TTC28: variants seen among roughly 807,000 people sequenced by gnomAD.
TTC28 encodes tetratricopeptide repeat protein 28.
In TTC28, 61 loss-of-function variants were observed where a neutral mutation model predicts 198.0. The ratio of observed to expected loss-of-function variants is 0.31; its 90% confidence interval spans 0.25 to 0.38. TTC28 has a LOEUF of 0.38. TTC28 is among the 10% of genes least tolerant of loss of function. The pLI is 1.00. For missense variants in TTC28, 2,678 were observed against 3,164.0 expected, an observed-to-expected ratio of 0.85 and a Z score of 3.69; for synonymous variants, 1,171 against 1,297.8, an observed-to-expected ratio of 0.90 and a Z score of 2.10.
In TTC28 at chr22:28,022,660, T is replaced by G. The variant is rs1938660513; in HGVS notation, c.4073+7566A>C. Reference sequence around the variant, plus strand: ...TCCTTTGGTTCCTTCCTCCCTCAACTGAGCCCTAACCAGGATGCTCCTAAA... The same window carrying G: ...TCCTTTGGTTCCTTCCTCCCTCAACGGAGCCCTAACCAGGATGCTCCTAAA... On this transcript the variant is annotated intron_variant, in intron 13 of 22. Coordinates refer to ENST00000397906, the MANE Select transcript of TTC28 (RefSeq NM_001145418.2). Among the ~76,000 whole-genome samples, 4 of 152,248 alleles carry G rather than the reference T, an allele frequency of 2.6e-5. No individual in the cohort carries two copies. The South Asian group carries it at 8.3e-4, about 32-fold the overall frequency.
At chr22:28,653,901 C>T (rs912279699) in intron 1 of TTC28, among the ~76,000 whole-genome samples, 5 of 152,122 alleles carry the variant, frequency 3.3e-5, no homozygotes, top group Admixed American at 1.3e-4. Flanking sequence ...CCGAAAATGA[C>T]GTAAGAAGAC....
At chr22:28,200,895 A>T (rs949520963) in intron 5 of TTC28, among the ~76,000 whole-genome samples, 1 of 152,230 alleles carries the variant, frequency 6.6e-6, no homozygotes, top group African/African-American at 2.4e-5. Context: ...GTGTGCTACT[A>T]TCTAAATAAG....
intron 13 of TTC28, chr22:28,029,019 G>A (rs1938964306): frequency 6.4e-6 from 3 of 471,038 alleles, no homozygotes; most frequent in Non-Finnish European, 1.3e-5. Context: ...ATCACCTGGT[G>A]GAGGTAAGTG....
chr22:28,083,690 G>A (rs1483279871), intron 12 of TTC28, among the ~76,000 whole-genome samples: 1 of 152,238 alleles, frequency 6.6e-6, no homozygotes, highest in Non-Finnish European at 1.5e-5. Flanking sequence ...AGCGCACCGT[G>A]CATGAGATGA....
At chr22:28,554,816 A>G (rs1319700665) in intron 2 of TTC28, among the ~76,000 whole-genome samples, 1 of 152,172 alleles carries the variant, frequency 6.6e-6, no homozygotes, top group African/African-American at 2.4e-5. Context: ...GGTTGCTGTG[A>G]GCCGAGATTG....
chr22:28,640,083 G>C (rs1259563181), intron 1 of TTC28, among the ~76,000 whole-genome samples: 1 of 152,014 alleles, frequency 6.6e-6, no homozygotes, highest in Non-Finnish European at 1.5e-5. Context: ...GATGTGGGTA[G>C]ATTGCTTGAG....
rs537068340 is a variant in TTC28 at position 28,026,071 on chromosome 22, C to A, written c.4073+4155G>T. Reference sequence around the variant, plus strand: ...CTGTGTATTACAGTCACTGCATTCCCTCCCACCTCCACTGTAGGCCAGGCT... The same window carrying A: ...CTGTGTATTACAGTCACTGCATTCCATCCCACCTCCACTGTAGGCCAGGCT... On this transcript the variant is annotated intron_variant, in intron 13 of 22. Transcript: ENST00000397906. 2.0e-5 allele frequency among the ~76,000 whole-genome samples: 3 copies of A among 152,352 alleles called. No individual in the cohort carries two copies. The South Asian group carries it at 6.2e-4, about 32-fold the overall frequency.
At chr22:28,653,836 G>A (rs936366702) in intron 1 of TTC28, among the ~76,000 whole-genome samples, 2 of 151,996 alleles carry the variant, frequency 1.3e-5, no homozygotes, top group Non-Finnish European at 2.9e-5. Context: ...TAATTTGCAC[G>A]GCCCCAGACT....
intron 2 of TTC28, among the ~76,000 whole-genome samples, chr22:28,526,775 G>T (rs931372231): frequency 2.0e-5 from 3 of 151,344 alleles, no homozygotes; most frequent in South Asian, 2.1e-4. Flanking sequence ...ATTTTTTTTT[G>T]AGATGGAGTC....
chr22:28,489,738 C>T (rs181936471), intron 2 of TTC28, among the ~76,000 whole-genome samples: 1 of 152,102 alleles, frequency 6.6e-6, no homozygotes, highest in African/African-American at 2.4e-5. Context: ...CTGGGCAATA[C>T]AGTGAGATCT....
chr22:28,352,630 C>G (rs887900836), intron 2 of TTC28, among the ~76,000 whole-genome samples: 8 of 152,036 alleles, frequency 5.3e-5, no homozygotes, highest in Middle Eastern at 6.8e-3. Flanking sequence ...CCACTGATAC[C>G]CCCTCAGCAA....
chr22:28,306,665 G>A, intron 2 of TTC28, 22 bp from the exon 3 acceptor site: 1 of 1,550,170 alleles, frequency 6.5e-7, no homozygotes, highest in South Asian at 1.2e-5. Context: ...AGATATATAA[G>A]ATATATAATG....
intron 5 of TTC28, among the ~76,000 whole-genome samples, 179 bp from the exon 6 acceptor site, chr22:28,163,778 G>A (rs1601410239): frequency 6.6e-6 from 1 of 152,208 alleles, no homozygotes; most frequent in Admixed American, 6.5e-5. Flanking sequence ...GAGGTACCGG[G>A]TTCATCTCAC....
At chr22:28,617,289 C>T (rs1380389431) in intron 2 of TTC28, among the ~76,000 whole-genome samples, 6 of 150,784 alleles carry the variant, frequency 4.0e-5, no homozygotes, top group Admixed American at 4.0e-4. Context: ...TCACTTGAGC[C>T]CCAGTGTTCA....
At chr22:28,435,409 A>C (rs959265853) in intron 2 of TTC28, among the ~76,000 whole-genome samples, 2 of 152,250 alleles carry the variant, frequency 1.3e-5, no homozygotes, top group Non-Finnish European at 2.9e-5. Flanking sequence ...ATGTCAGTTA[A>C]ATGATATAAT....
rs956683423 is a variant in TTC28 at position 28,497,524 on chromosome 22, C to T, written c.381+132028G>A. Among the ~76,000 whole-genome samples, 48 of 152,130 alleles carry T rather than the reference C, an allele frequency of 3.2e-4. 1 individual carries two copies. The highest frequency in any genetic ancestry group is 3.1e-3 in the Admixed American group (47 of 15,272). On this transcript the variant is annotated intron_variant, in intron 2 of 22. Transcript: ENST00000397906. ...CGGATACCCAGGATCCTCCCCAAAA[C>T]ACATAAAGCTGAATTTGTGAGGGTG...
chr22:28,472,149 T>C (rs1836449156), intron 2 of TTC28, among the ~76,000 whole-genome samples: 1 of 152,236 alleles, frequency 6.6e-6, no homozygotes, highest in African/African-American at 2.4e-5. Flanking sequence ...TTTGTATCTA[T>C]CATTCTATTA....
intron 5 of TTC28, among the ~76,000 whole-genome samples, chr22:28,260,619 C>A (rs1030134897): frequency 6.6e-6 from 1 of 152,102 alleles, no homozygotes; most frequent in Admixed American, 6.6e-5. Context: ...TAGCCAAATG[C>A]GCAAACTTTG....
intron 5 of TTC28, among the ~76,000 whole-genome samples, chr22:28,216,409 T>A (rs1004449727): frequency 6.6e-6 from 1 of 152,180 alleles, no homozygotes; most frequent in Non-Finnish European, 1.5e-5. Context: ...AATTCATTAA[T>A]AAGTCTAACT....
Sources: allele counts gnomAD v4.1 joint callset (sites outside exome capture counted in the v4.1 genomes callset), GRCh38; gene constraint gnomAD v4.1.1; transcripts MANE v1.5; gene names NCBI Gene and HGNC (gene_info 2026-07-23, HGNC 2026-07-21).